Variants in DCC observed in about 807,000 individuals in gnomAD.
The protein encoded by DCC is netrin receptor DCC.
A neutral mutation model predicts 172.5 loss-of-function variants in DCC; 58 were observed. The observed-to-expected ratio is 0.34, with a 90% CI of 0.27 to 0.42. The LOEUF (loss-of-function observed/expected upper bound fraction) is 0.42. Ranked by LOEUF, DCC falls within the 10% of genes least tolerant of loss-of-function variation. The pLI, the probability that DCC is intolerant of heterozygous loss-of-function variation, is 1.00. For synonymous variants in DCC, 709 were observed against 644.5 expected, an observed-to-expected ratio of 1.10 and a Z score of -1.52; for missense variants, 1,740 against 1,791.0, an observed-to-expected ratio of 0.97 and a Z score of 0.51.
intron 1 of DCC, among the ~76,000 whole-genome samples, chr18:52,465,752 T>C (rs549717133): frequency 6.7e-6 from 1 of 149,492 alleles, no homozygotes; most frequent in South Asian, 2.1e-4. Context: ...TCCTCTAACT[T>C]CCCTCGTTTA....
At chr18:52,888,927 A>G (rs1359841999) in intron 2 of DCC, among the ~76,000 whole-genome samples, 1 of 152,116 alleles carries the variant, frequency 6.6e-6, no homozygotes, top group Non-Finnish European at 1.5e-5. Flanking sequence ...ACACACACAT[A>G]TATATACATA....
chr18:53,317,001 G>A (rs192018894), intron 13 of DCC, among the ~76,000 whole-genome samples: 1 of 152,326 alleles, frequency 6.6e-6, no homozygotes, highest in African/African-American at 2.4e-5. Flanking sequence ...GGGATGGTGA[G>A]AGAGGGCATC....
At chr18:53,249,273 T>C (rs2056400406) in intron 12 of DCC, among the ~76,000 whole-genome samples, 1 of 151,984 alleles carries the variant, frequency 6.6e-6, no homozygotes, top group Non-Finnish European at 1.5e-5. Context: ...ACAAATATTA[T>C]AGCTATCTTC....
chr18:53,502,651 A>ATTT (rs2046117892), intron 27 of DCC, among the ~76,000 whole-genome samples: 2 of 152,178 alleles, frequency 1.3e-5, no homozygotes, highest in Non-Finnish European at 2.9e-5. Context: ...TTTACTGTGG[A>ATTT]TTTCACAAGA....
At chr18:53,438,286 G>A (rs555964794) in intron 22 of DCC, among the ~76,000 whole-genome samples, 1 of 152,260 alleles carries the variant, frequency 6.6e-6, no homozygotes, top group East Asian at 1.9e-4. Context: ...TTAACCTATA[G>A]GTTTCAACCA....
At chr18:53,013,260 C>A (rs1004870271) in intron 5 of DCC, among the ~76,000 whole-genome samples, 9 of 152,010 alleles carry the variant, frequency 5.9e-5, no homozygotes, top group African/African-American at 2.2e-4. Flanking sequence ...ATGTTTATTG[C>A]AGCACTATTT....
chr18:53,041,215 T>A (rs975252200), intron 5 of DCC, among the ~76,000 whole-genome samples: 8 of 152,124 alleles, frequency 5.3e-5, no homozygotes, highest in Non-Finnish European at 8.8e-5. Context: ...GGGGTCCAGT[T>A]TCAGTTTTCT....
At chr18:52,906,364 T>C in intron 3 of DCC, 36 bp downstream of exon 3, 1 of 1,607,932 alleles carries the variant, frequency 6.2e-7, no homozygotes, top group Non-Finnish European at 8.5e-7. Flanking sequence ...CAGAATGATA[T>C]TCTCTGGAAT....
intron 20 of DCC, among the ~76,000 whole-genome samples, chr18:53,415,134 C>A (rs540982790): frequency 6.6e-6 from 1 of 152,132 alleles, no homozygotes; most frequent in South Asian, 2.1e-4. Context: ...ACCTGTAGGG[C>A]GTTTAAGGTA....
intron 26 of DCC, among the ~76,000 whole-genome samples, chr18:53,489,180 T>G (rs901117309): frequency 7.9e-5 from 12 of 152,216 alleles, no homozygotes; most frequent in Non-Finnish European, 1.5e-5. Context: ...GCTTAGTGAT[T>G]TTTTAACTTT....
chr18:53,386,255 A>G (rs1908161949), intron 16 of DCC, 117 bp downstream of exon 16: 1 of 726,270 alleles, frequency 1.4e-6, no homozygotes, highest in Non-Finnish European at 2.4e-6. Context: ...TTATCCTCTG[A>G]TAATCCTCAG....
chr18:53,249,284 T>C (rs899795584), intron 12 of DCC, among the ~76,000 whole-genome samples: 11 of 151,968 alleles, frequency 7.2e-5, no homozygotes, highest in Non-Finnish European at 1.6e-4. Flanking sequence ...AGCTATCTTC[T>C]AGCAAACAAA....
At chr18:52,344,055 T>C (rs1983775466) in intron 1 of DCC, among the ~76,000 whole-genome samples, 1 of 152,250 alleles carries the variant, frequency 6.6e-6, no homozygotes, top group Non-Finnish European at 1.5e-5. Flanking sequence ...GCTTAGTGCC[T>C]TTGCTTTAAT....
chr18:53,364,160 G>A (rs1312978178), intron 15 of DCC, among the ~76,000 whole-genome samples: 1 of 152,022 alleles, frequency 6.6e-6, no homozygotes, highest in East Asian at 1.9e-4. Context: ...TTGTAACCTA[G>A]TATCTGGTCC....
At chr18:52,446,350 C>G (rs1039119948) in intron 1 of DCC, among the ~76,000 whole-genome samples, 1 of 152,182 alleles carries the variant, frequency 6.6e-6, no homozygotes, top group Non-Finnish European at 1.5e-5. Flanking sequence ...ATTTGCTTAT[C>G]TACAAGCTAT....
intron 23 of DCC, among the ~76,000 whole-genome samples, chr18:53,456,429 A>T (rs967805676): frequency 1.3e-5 from 2 of 152,234 alleles, no homozygotes; most frequent in South Asian, 4.1e-4. Context: ...TTTTAGAAGC[A>T]GAAGGATGAC....
chr18:52,574,531 A>T (rs550126373), intron 1 of DCC, among the ~76,000 whole-genome samples: 3 of 152,350 alleles, frequency 2.0e-5, no homozygotes, highest in South Asian at 4.1e-4. Flanking sequence ...AATTAAATGT[A>T]GAAAACTCCA....
At chr18:52,519,419 C>T (rs1343150254) in intron 1 of DCC, among the ~76,000 whole-genome samples, 3 of 152,062 alleles carry the variant, frequency 2.0e-5, no homozygotes, top group African/African-American at 4.8e-5. Flanking sequence ...GGAATGGATG[C>T]TTATGTGTAG....
At chr18:52,478,850 G>A (rs143793499) in intron 1 of DCC, among the ~76,000 whole-genome samples, 5 of 152,110 alleles carry the variant, frequency 3.3e-5, no homozygotes, top group African/African-American at 1.2e-4. Flanking sequence ...CTTCACACCA[G>A]GCCCCACCTC....
Sources: allele counts gnomAD v4.1 joint callset (sites outside exome capture counted in the v4.1 genomes callset), GRCh38; gene constraint gnomAD v4.1.1; transcripts MANE v1.5; gene names NCBI Gene and HGNC (gene_info 2026-07-23, HGNC 2026-07-21).